Variants in GLS observed in about 807,000 individuals in gnomAD.
GLS encodes glutaminase kidney isoform, mitochondrial.
In GLS, 36 loss-of-function variants were observed where a neutral mutation model predicts 86.7. That is an observed-to-expected ratio of 0.42 (90% CI 0.32 to 0.55). The LOEUF is 0.55. Ranked by LOEUF, GLS falls within the 20% of genes least tolerant of loss-of-function variation. The probability of loss-of-function intolerance (pLI) is 0.17; values close to 1 mark genes in which losing one functional copy is unlikely to be tolerated. For synonymous variants in GLS, 317 were observed against 305.9 expected (o/e 1.04, Z -0.38); for missense variants, 528 against 833.4 (o/e 0.63, Z 4.51).
chr2:190,938,180 A>G lies in GLS; in HGVS notation c.1650+6543A>G, dbSNP rs1024666436. Among the ~76,000 whole-genome samples, 3 of 151,474 alleles carry G rather than the reference A, an allele frequency of 2.0e-5. No individual in the cohort carries two copies. The highest frequency in any genetic ancestry group is 4.8e-5 in the African/African-American group (2 of 41,400). Reference sequence around the variant, plus strand: ...TCTGTACATAGTATGATTAAAAATAATGGTATTTTTTCATTAGGTATTTAC... The same window carrying G: ...TCTGTACATAGTATGATTAAAAATAGTGGTATTTTTTCATTAGGTATTTAC... On this transcript the variant is annotated intron_variant, in intron 14 of 17. Coordinates refer to ENST00000320717, the MANE Select transcript of GLS (RefSeq NM_014905.5). The surrounding 1 kb of genome is among the most constrained non-coding windows in gnomAD (Gnocchi z 4.1).
chr2:190,958,055 T>A (rs1200936839), intron 17 of GLS, among the ~76,000 whole-genome samples: 1 of 152,202 alleles, frequency 6.6e-6, no homozygotes, highest in Non-Finnish European at 1.5e-5. Context: ...TTTCGGTTGG[T>A]AGGCTATTAA....
At position 190,905,689 on chromosome 2, in the gene GLS, T is replaced by A. The variant is rs1439523571; in HGVS notation, c.979+522T>A. ...GAAAGAAATGCTTTGTGTTTAATGC[T>A]TGGTTAACAAATCTTTTTACAGGAA... On this transcript the variant is annotated intron_variant, in intron 6 of 17. Transcript: ENST00000320717. This position sits in a 1 kb window ranked among gnomAD's most constrained non-coding sequence, Gnocchi z 4.6. Among the ~76,000 whole-genome samples, 2 of 152,270 alleles carry A rather than the reference T, an allele frequency of 1.3e-5. No individual in the cohort carries two copies. The highest frequency in any genetic ancestry group is 1.9e-4 in the East Asian group (1 of 5,188).
rs373135171 is a variant in GLS at position 190,895,768 on chromosome 2, A to C, written c.605+43A>C. The C allele has an allele frequency of 5.1e-5, 76 of 1,493,962 alleles. No homozygotes were observed. Among genetic ancestry groups the C allele is most frequent in the Non-Finnish European group, 6.7e-5 (74 of 1,104,806 alleles). The allele number at this position is 1,493,962 out of a possible 1,614,324, so 92.5% of individuals were successfully genotyped here. On this transcript the variant is annotated intron_variant, in intron 3 of 17. Coordinates refer to ENST00000320717, the MANE Select transcript of GLS (RefSeq NM_014905.5). The surrounding 1 kb of genome is among the most constrained non-coding windows in gnomAD (Gnocchi z 4.2). ...ACCTTTAATGGTGATTTGCTATGCT[A>C]TACGGTGATTCTGCTTTTAAAACAA...
intron 14 of GLS, among the ~76,000 whole-genome samples, chr2:190,952,731 G>A (rs2124947138): frequency 6.6e-6 from 1 of 152,308 alleles, no homozygotes; most frequent in Non-Finnish European, 1.5e-5. Flanking sequence ...AAGTTGCAAA[G>A]TGTAAGACAA....
rs1689093228 is a variant in GLS, at chr2:190,905,278, T to A, written c.979+111T>A. ...AAATTAAAAGTATTTGTCATGTGAT[T>A]TCTATATAATCCATTGAGAGAGTTT... On this transcript the variant is annotated intron_variant, in intron 6 of 17. Transcript: ENST00000320717. This position sits in a 1 kb window ranked among gnomAD's most constrained non-coding sequence, Gnocchi z 4.6. 3.0e-6 allele frequency: 2 copies of A among 669,116 alleles called. No individual in the cohort carries two copies. Among genetic ancestry groups the A allele is most frequent in the Non-Finnish European group, 5.0e-6 (2 of 397,812 alleles). The allele number at this position is 669,116 out of a possible 1,614,324, so 41.4% of individuals were successfully genotyped here.
rs574546078 is a variant in GLS, at chr2:190,936,491, C to T, written c.1650+4854C>T. On this transcript the variant is annotated intron_variant, in intron 14 of 17. Transcript: ENST00000320717. ...TTCATTGATCTATTCCTGTTCCAAG[C>T]TTTGACACAAAAGAACCCCTAAAAT... Among the ~76,000 whole-genome samples the T allele has an allele frequency of 2.6e-5, 4 of 151,160 alleles. No homozygotes were observed. In the South Asian group the frequency reaches 8.3e-4, roughly 31 times the overall value.
chr2:190,957,386 C>G (rs1690885439), intron 17 of GLS, among the ~76,000 whole-genome samples: 1 of 152,100 alleles, frequency 6.6e-6, no homozygotes, highest in African/African-American at 2.4e-5. Context: ...GCCACTGTGC[C>G]CAGCCCCTTT....
intron 12 of GLS, among the ~76,000 whole-genome samples, chr2:190,928,892 G>GTTTTTTTTTTTT (rs367999647): frequency 7.8e-5 from 1 of 12,826 alleles, no homozygotes; most frequent in African/African-American, 3.1e-4. Flanking sequence ...ATTCAGGTGT[G>GTTTTTTTTTTTT]TTTTTTTTTT....
chr2:190,899,907 T>C (rs1057133395), intron 3 of GLS, among the ~76,000 whole-genome samples: 2 of 152,118 alleles, frequency 1.3e-5, no homozygotes, highest in African/African-American at 4.8e-5. Context: ...TATTTACATA[T>C]CTTACATTAA....
At chr2:190,940,090 G>A (rs933951161) in intron 14 of GLS, among the ~76,000 whole-genome samples, 14 of 151,660 alleles carry the variant, frequency 9.2e-5, no homozygotes, top group South Asian at 2.1e-4. Flanking sequence ...TAAAAAGTTC[G>A]AAAGAAAACC....
intron 1 of GLS, among the ~76,000 whole-genome samples, chr2:190,893,784 C>T (rs572869445): frequency 6.8e-4 from 104 of 152,096 alleles, no homozygotes; most frequent in African/African-American, 1.6e-3. Flanking sequence ...GGGGTTTCAC[C>T]GTGTTGGCCA....
rs1444720557 is a variant in GLS at position 190,934,254 on chromosome 2, G to T, written c.1650+2617G>T. On this transcript the variant is annotated intron_variant, in intron 14 of 17. Transcript: ENST00000320717. The stretch of plus-strand genomic sequence containing the variant: ...AGTGTAGCAAAAAAGATTTCACTGA[G>T]TATTTTAGATACTAGTGCAAATAAA... 7 of 954,432 alleles carry T rather than the reference G, an allele frequency of 7.3e-6. No individual in the cohort carries two copies. The African/African-American group carries it at 1.2e-4, about 17-fold the overall frequency. 59.1% of individuals were successfully genotyped at this position (954,432 alleles called of 1,614,324 possible). A position where few individuals can be genotyped will look rare whatever the true frequency, so the allele number is the denominator to read the frequency against.
intron 14 of GLS, chr2:190,932,623 T>C: frequency 1.1e-6 from 1 of 937,842 alleles, no homozygotes; most frequent in South Asian, 3.5e-5. Flanking sequence ...TGTTAACATT[T>C]TAATAATGCT....
chr2:190,890,236 T>G (rs548149675), intron 1 of GLS, among the ~76,000 whole-genome samples: 3 of 152,162 alleles, frequency 2.0e-5, no homozygotes, highest in Non-Finnish European at 2.9e-5. Context: ...CAGGCTGGAG[T>G]ACATTGGTGC....
intron 14 of GLS, among the ~76,000 whole-genome samples, chr2:190,950,838 C>T (rs1690701229): frequency 6.6e-6 from 1 of 152,196 alleles, no homozygotes; most frequent in Non-Finnish European, 1.5e-5. Flanking sequence ...GAGGAGCTGA[C>T]TGTGAGTGGC....
chr2:190,890,445 A>G (rs1209282521), intron 1 of GLS, among the ~76,000 whole-genome samples: 1 of 152,240 alleles, frequency 6.6e-6, no homozygotes, highest in African/African-American at 2.4e-5. Context: ...CTTTTTTAGC[A>G]GTAAAGCCTT....
chr2:190,955,319 C>T lies in GLS; in HGVS notation c.1853+501C>T, dbSNP rs1355576037. On this transcript the variant is annotated intron_variant, in intron 17 of 17. Coordinates refer to ENST00000320717, the MANE Select transcript of GLS (RefSeq NM_014905.5). This position sits in a 1 kb window ranked among gnomAD's most constrained non-coding sequence, Gnocchi z 5.6. The stretch of plus-strand genomic sequence containing the variant: ...ACAGGCCCTGGTGTGTGATGTTCCC[C>T]TCCCTGTGTCCATGTGTTCTCACTG... 1.3e-5 allele frequency among the ~76,000 whole-genome samples: 2 copies of T among 152,134 alleles called. No individual in the cohort carries two copies. The highest frequency in any genetic ancestry group is 2.9e-5 in the Non-Finnish European group (2 of 68,028).
Position 190,964,601 on chromosome 2 carries a change from C to T in GLS, c.*1615C>T, listed in dbSNP as rs1447509806. The stretch of plus-strand genomic sequence containing the variant: ...GGCACCTCCTTTGGTGAAACCACGG[C>T]CAATGTTCCTTAGCTGCACCAGGCC... On this transcript the variant is annotated 3_prime_UTR_variant, in exon 18 of 18. Transcript: ENST00000320717. The surrounding 1 kb of genome is among the most constrained non-coding windows in gnomAD (Gnocchi z 5.2). The T allele has an allele frequency of 6.6e-6, 1 of 152,214 alleles. No homozygotes were observed. The highest frequency in any genetic ancestry group is 1.5e-5 in the Non-Finnish European group (1 of 68,062). The allele number at this position is 152,214 out of a possible 1,614,324, so 9.4% of individuals were successfully genotyped here.
chr2:190,911,466 A>G (rs184648011), intron 7 of GLS, among the ~76,000 whole-genome samples: 23 of 152,254 alleles, frequency 1.5e-4, no homozygotes, highest in African/African-American at 5.3e-4. Flanking sequence ...TGTTATAGCC[A>G]AGTGTTTTTA....
Sources: allele counts gnomAD v4.1 joint callset (sites outside exome capture counted in the v4.1 genomes callset), GRCh38; gene constraint gnomAD v4.1.1; non-coding constraint Gnocchi (gnomAD v3.1); transcripts MANE v1.5; gene names NCBI Gene and HGNC (gene_info 2026-07-23, HGNC 2026-07-21).